COL15A1: variants seen among roughly 807,000 people sequenced by gnomAD.
COL15A1 encodes collagen alpha-1(XV) chain.
COL15A1 carries 111 observed loss-of-function variants against 165.9 expected under a neutral mutation model. The observed-to-expected ratio is 0.67, with a 90% confidence interval of 0.57 to 0.78. COL15A1 has a LOEUF of 0.78. Among genes scored for constraint, COL15A1 ranks in the 30% least tolerant of loss-of-function variants. The pLI, the probability that COL15A1 is intolerant of heterozygous loss-of-function variation, is 0.00. For missense variants in COL15A1, 1,745 were observed against 1,789.7 expected, an observed-to-expected ratio of 0.98 and a Z score of 0.45; for synonymous variants, 659 against 674.8, an observed-to-expected ratio of 0.98 and a Z score of 0.36.
intron 16 of COL15A1, among the ~76,000 whole-genome samples, chr9:99,034,129 CA>C (rs1206354937): frequency 6.6e-6 from 1 of 152,118 alleles, no homozygotes; most frequent in East Asian, 1.9e-4. Flanking sequence ...CCCATATATC[CA>C]AAAGTCTAGG....
intron 5 of COL15A1, among the ~76,000 whole-genome samples, chr9:98,990,396 G>C (rs991702701): frequency 1.3e-5 from 2 of 152,212 alleles, no homozygotes; most frequent in African/African-American, 4.8e-5. Flanking sequence ...TGGGATGAAT[G>C]AAGTCAAGGG....
chr9:98,978,577 G>A (rs76923669), intron 2 of COL15A1, among the ~76,000 whole-genome samples: 3,535 of 152,286 alleles, frequency 0.023, 118 homozygotes, highest in African/African-American at 0.081. Context: ...TCTTTAAACC[G>A]TGGAGGAAAG....
chr9:98,964,644 T>C (rs753306180), intron 2 of COL15A1, among the ~76,000 whole-genome samples: 7 of 152,194 alleles, frequency 4.6e-5, no homozygotes, highest in Non-Finnish European at 7.3e-5. Context: ...CCTTTCTACA[T>C]TGGGTACCTA....
Position 99,048,015 on chromosome 9 carries a change from G to C in COL15A1, c.2793+15G>C. 6.9e-7 allele frequency: 1 copy of C among 1,445,872 alleles called. No individual in the cohort carries two copies. Among genetic ancestry groups the C allele is most frequent in the East Asian group, 2.4e-5 (1 of 41,106 alleles). 89.6% of individuals were successfully genotyped at this position (1,445,872 alleles called of 1,614,324 possible). ...TCATTATGCAGGTGAGTCACCCTGG[G>C]GATGGAGCCGGAGGTTGGTGTCCAG... On this transcript the variant is annotated intron_variant, in intron 28 of 41. Coordinates refer to ENST00000375001, the MANE Select transcript of COL15A1 (RefSeq NM_001855.5).
chr9:99,048,692 C>G (rs190661760), intron 28 of COL15A1, among the ~76,000 whole-genome samples: 41 of 114,260 alleles, frequency 3.6e-4, no homozygotes, highest in African/African-American at 1.3e-3. Context: ...TCCCTCCCCC[C>G]TCCCCCCACC....
chr9:98,980,577 A>T (rs1838221211), intron 2 of COL15A1, among the ~76,000 whole-genome samples: 1 of 152,190 alleles, frequency 6.6e-6, no homozygotes. Flanking sequence ...GGTCCTGACC[A>T]CAGAGGGCCT....
intron 4 of COL15A1, 134 bp downstream of exon 4, chr9:98,987,502 T>C (rs1366117972): frequency 1.4e-6 from 1 of 738,888 alleles, no homozygotes; most frequent in Non-Finnish European, 2.1e-6. Context: ...AAGTCCTATT[T>C]TGGGCTTTTG....
intron 24 of COL15A1, among the ~76,000 whole-genome samples, chr9:99,043,594 G>A (rs1338577573): frequency 6.6e-6 from 1 of 152,124 alleles, no homozygotes; most frequent in African/African-American, 2.4e-5. Flanking sequence ...GCGTGCTCAG[G>A]ACTACCTTTC....
intron 2 of COL15A1, among the ~76,000 whole-genome samples, chr9:98,952,977 C>T (rs1205674935): frequency 6.6e-6 from 1 of 152,210 alleles, no homozygotes; most frequent in Non-Finnish European, 1.5e-5. Context: ...TTACCCCTGC[C>T]TACCTCCTTC....
chr9:98,982,065 C>G lies in COL15A1; in HGVS notation c.101-3500C>G, dbSNP rs371468919. Among the ~76,000 whole-genome samples the G allele has an allele frequency of 4.7e-4, 72 of 152,198 alleles. 3 individuals carry two copies. In the South Asian group the frequency reaches 0.011, roughly 24 times the overall value. ...ATTTTCCTACCTTGGCCTCCTAAAA[C>G]ACTGGAATTACAGGCATGAGCCACC... On this transcript the variant is annotated intron_variant, in intron 2 of 41. Transcript: ENST00000375001.
chr9:98,980,424 G>A (rs923259746), intron 2 of COL15A1, among the ~76,000 whole-genome samples: 2 of 152,236 alleles, frequency 1.3e-5, no homozygotes, highest in Non-Finnish European at 2.9e-5. Flanking sequence ...CTGATGAGCA[G>A]GAGTCATTCA....
rs747098921 is a variant in COL15A1 at position 99,047,980 on chromosome 9, G to T, written c.2773G>T (p.Asp925Tyr). The T allele has an allele frequency of 6.3e-7, 1 of 1,592,440 alleles. No individual in the cohort carries two copies. Among genetic ancestry groups the T allele is most frequent in the Non-Finnish European group, 8.6e-7 (1 of 1,165,544 alleles). Residue 925 changes from aspartate to tyrosine, a missense_variant, in exon 28 of 42, where the codon GAT becomes TAT. By Grantham distance (160) the Asp-to-Tyr change is radical (BLOSUM62 -3). Coordinates refer to ENST00000375001, the MANE Select transcript of COL15A1 (RefSeq NM_001855.5). ...GAATGGCCTCAAGGGTACCAAAGGA[G>T]ATCCAGGGGTCATTATGCAGGTGAG... ...GLNGLKGTKGDPGVIMQGPPG... is the reference protein window; with the variant it reads ...GLNGLKGTKGYPGVIMQGPPG...
At chr9:98,988,547 G>T (rs1196265380) in intron 4 of COL15A1, among the ~76,000 whole-genome samples, 3 of 152,208 alleles carry the variant, frequency 2.0e-5, no homozygotes, top group Non-Finnish European at 2.9e-5. Flanking sequence ...TGGGGACCTG[G>T]ATCGAATGAA....
intron 9 of COL15A1, among the ~76,000 whole-genome samples, chr9:99,007,679 G>A (rs1838786264): frequency 6.6e-6 from 1 of 152,170 alleles, no homozygotes; most frequent in African/African-American, 2.4e-5. Flanking sequence ...TACATCAGTA[G>A]GCAGGTATGA....
At chr9:99,060,210 A>G (rs1191282672) in intron 36 of COL15A1, among the ~76,000 whole-genome samples, 1 of 149,316 alleles carries the variant, frequency 6.7e-6, no homozygotes, top group Non-Finnish European at 1.5e-5. Context: ...TATAACAAGA[A>G]CCAATCATAT....
intron 40 of COL15A1, 44 bp downstream of exon 40, chr9:99,067,111 C>T (rs770384869): frequency 5.9e-6 from 9 of 1,529,810 alleles, no homozygotes; most frequent in South Asian, 1.2e-5. Flanking sequence ...ATGCATTGGT[C>T]GCTACAGGGC....
chr9:99,020,492 C>T (rs200739150), intron 12 of COL15A1, 50 bp downstream of exon 12: 1 of 1,297,092 alleles, frequency 7.7e-7, no homozygotes, highest in South Asian at 1.2e-5. Flanking sequence ...GATCAAGTGT[C>T]CTGAACATGT....
Position 99,061,857 on chromosome 9 carries a change from T to C in COL15A1, c.3403-114T>C, listed in dbSNP as rs920364884. On this transcript the variant is annotated intron_variant, in intron 36 of 41. Transcript: ENST00000375001. ...TCTATCTGGCACATTAACAAGCCTC[T>C]TTATTGAGTATCTGGGGACGGCTCC... The C allele has an allele frequency of 2.5e-5, 28 of 1,140,220 alleles. No homozygotes were observed. The African/African-American group carries it at 4.2e-4, about 17-fold the overall frequency. The allele number at this position is 1,140,220 out of a possible 1,614,324, so 70.6% of individuals were successfully genotyped here.
intron 16 of COL15A1, among the ~76,000 whole-genome samples, chr9:99,033,925 C>T (rs1024727772): frequency 1.5e-4 from 23 of 152,154 alleles, no homozygotes; most frequent in African/African-American, 4.3e-4. Context: ...GTCCTCTCCT[C>T]TGCTTGGAGC....
Sources: gnomAD v4.1 joint callset for allele counts (sites outside exome capture counted in the v4.1 genomes callset) on GRCh38, gnomAD v4.1.1 for gene constraint, MANE v1.5 for transcripts, NCBI Gene and HGNC (gene_info 2026-07-23, HGNC 2026-07-21) for gene names.